ECE1: variants seen among roughly 807,000 people sequenced by gnomAD.
ECE1 encodes endothelin converting enzyme 1.
In ECE1, 35 loss-of-function variants were observed where a neutral mutation model predicts 98.6. The ratio of observed to expected loss-of-function variants is 0.35; its 90% confidence interval spans 0.27 to 0.47. The LOEUF is 0.47. ECE1 is among the 20% of genes least tolerant of loss of function. The probability of loss-of-function intolerance (pLI) is 1.00; values close to 1 mark genes in which losing one functional copy is unlikely to be tolerated. For missense variants in ECE1, 814 were observed against 1,025.3 expected, an observed-to-expected ratio of 0.79 and a Z score of 2.81; for synonymous variants, 394 against 407.1, an observed-to-expected ratio of 0.97 and a Z score of 0.39.
At chr1:21,231,393 G>A (rs766363567) in intron 14 of ECE1, among the ~76,000 whole-genome samples, 1 of 152,078 alleles carries the variant, frequency 6.6e-6, no homozygotes, top group Non-Finnish European at 1.5e-5. Context: ...CTAGGCTGGA[G>A]TGCAGTGGTG....
At chr1:21,224,989 G>A (rs144399659) in intron 17 of ECE1, among the ~76,000 whole-genome samples, 2 of 152,310 alleles carry the variant, frequency 1.3e-5, no homozygotes, top group East Asian at 1.9e-4. Context: ...CTCTTCAGGC[G>A]GATGAAGCCC....
chr1:21,306,197 T>G (rs1338823099), intron 1 of ECE1, among the ~76,000 whole-genome samples: 1 of 152,242 alleles, frequency 6.6e-6, no homozygotes, highest in Non-Finnish European at 1.5e-5. Context: ...AACAAAGCGT[T>G]TGCTGTCAGG....
chr1:21,220,021 G>C lies in ECE1; in HGVS notation c.2247C>G (p.Phe749Leu), dbSNP rs747300304. 6.2e-7 allele frequency: 1 copy of C among 1,614,238 alleles called. No individual in the cohort carries two copies. The highest frequency in any genetic ancestry group is 8.5e-7 in the Non-Finnish European group (1 of 1,180,048). The change falls in exon 19 of 19, where the codon TTC becomes TTG. Residue 749 changes from phenylalanine to leucine, a missense_variant. Transcript: ENST00000374893. This position sits in a 1 kb window ranked among gnomAD's most constrained non-coding sequence, Gnocchi z 5.0. Reference protein sequence around the residue: ...VIGSLSNSKEFSEHFRCPPGS... With the variant: ...VIGSLSNSKELSEHFRCPPGS... ...CAGGTGGGCAGCGGAAGTGTTCTGA[G>C]AACTCCTTGGAATTGGAGAGGGAGC...
In ECE1 at chr1:21,290,063, C is replaced by T. The variant is rs557365161; in HGVS notation, c.138+7G>A. The T allele has an allele frequency of 1.0e-4, 147 of 1,422,424 alleles. No individual in the cohort carries two copies. Among genetic ancestry groups the T allele is most frequent in the Middle Eastern group, 5.9e-4 (3 of 5,072 alleles). The allele number at this position is 1,422,424 out of a possible 1,614,324, so 88.1% of individuals were successfully genotyped here. ...CTGGACCTCGGGAGGGAGCGGAGGG[C>T]GCCTACCTGCAGGCCGTTGGGGTAT... On this transcript the variant is annotated splice_region_variant and intron_variant, in intron 2 of 18. Coordinates refer to ENST00000374893, the MANE Select transcript of ECE1 (RefSeq NM_001397.3). This position sits in a 1 kb window ranked among gnomAD's most constrained non-coding sequence, Gnocchi z 7.3.
At chr1:21,276,692 T>G (rs2098247670) in intron 3 of ECE1, among the ~76,000 whole-genome samples, 1 of 150,550 alleles carries the variant, frequency 6.6e-6, no homozygotes, top group Admixed American at 6.6e-5. Flanking sequence ...TTCTTTTTTT[T>G]TTTTTTTTTT....
chr1:21,336,874 A>G (rs957323080), intron 1 of ECE1, among the ~76,000 whole-genome samples: 3 of 150,088 alleles, frequency 2.0e-5, no homozygotes, highest in Non-Finnish European at 2.9e-5. Flanking sequence ...TCTAAAAAAA[A>G]GAAAAAATTT....
intron 1 of ECE1, among the ~76,000 whole-genome samples, chr1:21,306,185 A>G (rs778883281): frequency 6.6e-6 from 1 of 152,260 alleles, no homozygotes; most frequent in Non-Finnish European, 1.5e-5. Flanking sequence ...TACATTAAAC[A>G]AAACAAAGCG....
chr1:21,329,219 C>G (rs1401794027), intron 1 of ECE1, among the ~76,000 whole-genome samples: 1 of 152,190 alleles, frequency 6.6e-6, no homozygotes, highest in Non-Finnish European at 1.5e-5. Flanking sequence ...GTTAGAACCT[C>G]TAGGATGAGG....
chr1:21,242,475 C>T (rs2098197797), intron 10 of ECE1, among the ~76,000 whole-genome samples: 1 of 152,198 alleles, frequency 6.6e-6, no homozygotes, highest in Non-Finnish European at 1.5e-5. Flanking sequence ...CAAGGTCACA[C>T]AGCTAGGAGG....
intron 8 of ECE1, among the ~76,000 whole-genome samples, chr1:21,255,638 C>T (rs1251727473): frequency 2.6e-5 from 4 of 152,144 alleles, no homozygotes; most frequent in East Asian, 1.9e-4. Flanking sequence ...ACTGGAAAGG[C>T]GCTGTCAATG....
intron 14 of ECE1, among the ~76,000 whole-genome samples, chr1:21,228,731 G>A (rs1283222538): frequency 3.3e-5 from 5 of 151,886 alleles, no homozygotes; most frequent in Admixed American, 6.6e-5. Context: ...GGAGGTTGCA[G>A]TGAGCTGAGA....
chr1:21,298,985 C>CCTGTGTGATGTCCTGGA, intron 1 of ECE1: 2 of 436,304 alleles, frequency 4.6e-6, no homozygotes, highest in South Asian at 3.3e-5. Context: ...CTCCTGTGCT[C>CCTGTGTGATGTCCTGGA]CTGTGTGATG....
Position 21,345,350 on chromosome 1 carries a change from AC to A in ECE1, c.3+25del. On this transcript the variant is annotated intron_variant, in intron 1 of 18. Coordinates refer to the ECE1 transcript ENST00000415912. The surrounding 1 kb of genome is among the most constrained non-coding windows in gnomAD (Gnocchi z 5.1). ...GACCGTCGAGGCTGGGCTGGACCGG[AC>A]CAGACCTCCGCGCGCAGCACTCACC... The A allele has an allele frequency of 7.4e-7, 1 of 1,360,488 alleles. No individual in the cohort carries two copies. Among genetic ancestry groups the A allele is most frequent in the South Asian group, 1.6e-5 (1 of 61,768 alleles). 84.3% of individuals were successfully genotyped at this position (1,360,488 alleles called of 1,614,324 possible). A position where few individuals can be genotyped will look rare whatever the true frequency, so the allele number is the denominator to read the frequency against.
chr1:21,296,278 G>T (rs1388041942), intron 1 of ECE1, among the ~76,000 whole-genome samples: 4 of 152,094 alleles, frequency 2.6e-5, no homozygotes, highest in African/African-American at 9.7e-5. Flanking sequence ...GGGAGGCGAG[G>T]TGGGCAGATT....
At chr1:21,321,909 C>T (rs1259067631) in intron 1 of ECE1, among the ~76,000 whole-genome samples, 1 of 152,172 alleles carries the variant, frequency 6.6e-6, no homozygotes, top group Non-Finnish European at 1.5e-5. Context: ...AGCCACCGTG[C>T]CCACCCTATT....
Position 21,325,609 on chromosome 1 carries a change from G to A in ECE1, c.3+19767C>T, listed in dbSNP as rs145306129. Among the ~76,000 whole-genome samples the A allele has an allele frequency of 5.3e-4, 81 of 152,356 alleles. 1 individual carries two copies. Among genetic ancestry groups the A allele is most frequent in the African/African-American group, 1.7e-3 (72 of 41,588 alleles). On this transcript the variant is annotated intron_variant, in intron 1 of 18. Coordinates refer to the ECE1 transcript ENST00000415912. ...AGTCAGGAGTTGTGTGGCCTTGGCC[G>A]AGTCACCTCACCTCACCAAGCCTCA...
At position 21,256,043 on chromosome 1, in the gene ECE1, C is replaced by T; in HGVS notation, c.924G>A (p.Leu308=). The change falls in exon 8 of 19, where the codon TTG becomes TTA. Residue 308 remains leucine, a synonymous_variant. Transcript: ENST00000374893. The part of the protein sequence containing the change: ...EAIRPQMQQI[L]DFETALANIT... The stretch of plus-strand genomic sequence containing the variant: ...TGTTGGCCAGTGCCGTCTCAAAGTC[C>T]AAGATCTGCTGCATCTGGGGCCGGA... 2 of 1,613,274 alleles carry T rather than the reference C, an allele frequency of 1.2e-6. No individual in the cohort carries two copies. Among genetic ancestry groups the T allele is most frequent in the Middle Eastern group, 3.3e-4 (2 of 6,058 alleles).
chr1:21,254,167 C>T (rs944072556), intron 8 of ECE1, among the ~76,000 whole-genome samples: 8 of 151,472 alleles, frequency 5.3e-5, no homozygotes, highest in East Asian at 1.9e-4. Context: ...GGTGAGTGAA[C>T]GAGCCAAGCC....
At chr1:21,255,832 C>T (rs2098219144) in intron 8 of ECE1, 115 bp downstream of exon 8, 15 of 1,192,864 alleles carry the variant, frequency 1.3e-5, no homozygotes, top group Non-Finnish European at 1.7e-5. Context: ...ACCATCCTTC[C>T]TTTGTCACAT....
Sources: gnomAD v4.1 joint callset for allele counts (sites outside exome capture counted in the v4.1 genomes callset) on GRCh38, gnomAD v4.1.1 for gene constraint, Gnocchi (gnomAD v3.1) non-coding constraint, MANE v1.5 for transcripts, NCBI Gene and HGNC (gene_info 2026-07-23, HGNC 2026-07-21) for gene names.